Variants in METTL8 observed in about 807,000 individuals in gnomAD.
The protein encoded by METTL8 is methyltransferase 8, tRNA N3-cytidine, also known as tRNA N(3)-cytidine methyltransferase METTL8, mitochondrial.
METTL8 carries 32 observed loss-of-function variants against 48.7 expected under a neutral mutation model. The observed-to-expected ratio is 0.66, with a 90% CI of 0.50 to 0.88. METTL8 has a LOEUF of 0.88. METTL8 is among the 40% of genes least tolerant of loss of function. The pLI is 0.00. For missense variants in METTL8, 464 were observed against 474.4 expected, an observed-to-expected ratio of 0.98 and a Z score of 0.20; for synonymous variants, 136 against 157.1, an observed-to-expected ratio of 0.87 and a Z score of 1.01.
chr2:171,339,116 AAAAT>A, intron 4 of METTL8, 64 bp downstream of exon 4: 1 of 1,321,772 alleles, frequency 7.6e-7, no homozygotes, highest in East Asian at 2.4e-5. Context: ...GATTTTTAAT[AAAAT>A]AATACAGAAT....
At chr2:171,375,931 C>A (rs576006745) in intron 2 of METTL8, among the ~76,000 whole-genome samples, 1 of 152,300 alleles carries the variant, frequency 6.6e-6, no homozygotes, top group Admixed American at 6.5e-5. Flanking sequence ...CCCTGACACC[C>A]AACCTTTTCC....
intron 1 of METTL8, among the ~76,000 whole-genome samples, chr2:171,408,093 G>A (rs1440611365): frequency 2.0e-5 from 3 of 152,146 alleles, no homozygotes; most frequent in Non-Finnish European, 4.4e-5. Flanking sequence ...GGTTGTACTT[G>A]TACTTATTTT....
chr2:171,409,417 C>T (rs559228366), intron 1 of METTL8, among the ~76,000 whole-genome samples: 25 of 152,136 alleles, frequency 1.6e-4, no homozygotes, highest in African/African-American at 5.5e-4. Context: ...TAAATAATTA[C>T]GAACACCCTC....
At chr2:171,418,503 T>A (rs1359231924) in intron 1 of METTL8, among the ~76,000 whole-genome samples, 1 of 152,044 alleles carries the variant, frequency 6.6e-6, no homozygotes, top group African/African-American at 2.4e-5. Flanking sequence ...TTCTTTTGCA[T>A]GGACGATTTG....
chr2:171,415,880 C>T (rs1020922148), intron 1 of METTL8, among the ~76,000 whole-genome samples: 2 of 152,160 alleles, frequency 1.3e-5, no homozygotes, highest in African/African-American at 4.8e-5. Flanking sequence ...CTTAAAAGAC[C>T]TCTAATTGTC....
At chr2:171,421,455 A>C (rs1691866253) in intron 1 of METTL8, among the ~76,000 whole-genome samples, 1 of 107,378 alleles carries the variant, frequency 9.3e-6, no homozygotes, top group Non-Finnish European at 1.9e-5. Flanking sequence ...ACTTCAAAAA[A>C]AAAATACATA....
chr2:171,343,296 G>T (rs1033518230), intron 3 of METTL8, among the ~76,000 whole-genome samples: 1 of 151,926 alleles, frequency 6.6e-6, no homozygotes, highest in African/African-American at 2.4e-5. Flanking sequence ...AAAATTAGCC[G>T]GGTGTGGTGG....
intron 3 of METTL8, among the ~76,000 whole-genome samples, chr2:171,358,014 A>T (rs1684770092): frequency 6.6e-6 from 1 of 151,872 alleles, no homozygotes; most frequent in South Asian, 2.1e-4. Flanking sequence ...TTTTTATAGA[A>T]CCCCAAAAGA....
rs1684433587 is a variant in METTL8, at chr2:171,319,651, A to T, written c.*4521T>A. ...GGAATCGAGAGAGGCAAAGCAAATA[A>T]GTTCTCAGAAGTCAATGTTAAATGG... On this transcript the variant is annotated 3_prime_UTR_variant, in exon 10 of 10. Transcript: ENST00000375258. 1 of 152,238 alleles carries T rather than the reference A, an allele frequency of 6.6e-6. No individual in the cohort carries two copies. Among genetic ancestry groups the T allele is most frequent in the Non-Finnish European group, 1.5e-5 (1 of 68,044 alleles). The allele number at this position is 152,238 out of a possible 1,614,324, so 9.4% of individuals were successfully genotyped here. A position where few individuals can be genotyped will look rare whatever the true frequency, so the allele number is the denominator to read the frequency against.
chr2:171,339,175 G>A lies in METTL8; in HGVS notation c.606+9C>T, dbSNP rs752699745. On this transcript the variant is annotated intron_variant, in intron 4 of 9. Coordinates refer to ENST00000375258, the MANE Select transcript of METTL8 (RefSeq NM_001321154.2). Reference sequence around the variant, plus strand: ...GTCACCTCCCATTTTTGTCCCTTGAGCACAATACCTCTAGTATCCTGAAAG... The same window carrying A: ...GTCACCTCCCATTTTTGTCCCTTGAACACAATACCTCTAGTATCCTGAAAG... 63 of 1,464,358 alleles carry A rather than the reference G, an allele frequency of 4.3e-5. No individual in the cohort carries two copies. The South Asian group carries it at 8.3e-4, about 19-fold the overall frequency. The allele number at this position is 1,464,358 out of a possible 1,614,324, so 90.7% of individuals were successfully genotyped here. A position where few individuals can be genotyped will look rare whatever the true frequency, so the allele number is the denominator to read the frequency against.
chr2:171,434,658 G>A (rs781372214), upstream of METTL8: 67 of 1,531,520 alleles, frequency 4.4e-5, no homozygotes, highest in South Asian at 7.9e-4. Context: ...ACGCAGGCGT[G>A]GTGCAGAGGA....
chr2:171,428,187 C>T (rs1692610191), intron 1 of METTL8, among the ~76,000 whole-genome samples: 1 of 152,162 alleles, frequency 6.6e-6, no homozygotes, highest in African/African-American at 2.4e-5. Context: ...ATTTTCCAAT[C>T]ATAAAACTGT....
intron 6 of METTL8, among the ~76,000 whole-genome samples, chr2:171,331,228 A>G (rs993247518): frequency 2.6e-5 from 4 of 152,018 alleles, no homozygotes; most frequent in African/African-American, 4.8e-5. Context: ...CTCCTGCCTC[A>G]GCCTCCCAAG....
intron 7 of METTL8, chr2:171,326,382 T>C (rs1184946680): frequency 2.2e-6 from 1 of 448,676 alleles, no homozygotes; most frequent in Non-Finnish European, 3.9e-6. Flanking sequence ...ACCCAAATGA[T>C]CAGAGTGGTA....
At chr2:171,345,662 A>C (rs866764739) in intron 3 of METTL8, among the ~76,000 whole-genome samples, 2 of 152,208 alleles carry the variant, frequency 1.3e-5, no homozygotes, top group Non-Finnish European at 2.9e-5. Context: ...TCACAAAGTA[A>C]AGTATAGTGA....
intron 2 of METTL8, among the ~76,000 whole-genome samples, chr2:171,375,634 C>T (rs1356021918): frequency 6.6e-6 from 1 of 152,118 alleles, no homozygotes; most frequent in African/African-American, 2.4e-5. Context: ...TCTTAAAATA[C>T]TTCATTTTTA....
chr2:171,363,668 G>C (rs1034730592), intron 2 of METTL8, among the ~76,000 whole-genome samples: 3 of 150,244 alleles, frequency 2.0e-5, no homozygotes, highest in Non-Finnish European at 4.4e-5. Context: ...AGTGATAGGG[G>C]AATGAAAAAA....
intron 2 of METTL8, among the ~76,000 whole-genome samples, chr2:171,364,589 T>C (rs541160015): frequency 1.3e-5 from 2 of 152,312 alleles, no homozygotes; most frequent in African/African-American, 4.8e-5. Flanking sequence ...TATAGTACAA[T>C]TGAATAATGT....
intron 1 of METTL8, among the ~76,000 whole-genome samples, chr2:171,431,137 A>G (rs1423215349): frequency 1.3e-5 from 2 of 152,216 alleles, no homozygotes; most frequent in African/African-American, 4.8e-5. Flanking sequence ...TGAAGAACCT[A>G]CGACGTGCCC....
Sources: gnomAD v4.1 joint callset for allele counts (sites outside exome capture counted in the v4.1 genomes callset) on GRCh38, gnomAD v4.1.1 for gene constraint, MANE v1.5 for transcripts, NCBI Gene and HGNC (gene_info 2026-07-23, HGNC 2026-07-21) for gene names.